Variants in SLC19A1 observed in about 807,000 individuals in gnomAD.
SLC19A1 encodes solute carrier family 19 member 1.
SLC19A1 carries 37 observed loss-of-function variants against 35.3 expected under a neutral mutation model. The observed-to-expected ratio is 1.05, with a 90% CI of 0.81 to 1.38. The LOEUF (loss-of-function observed/expected upper bound fraction) is 1.38, where lower values mean the gene tolerates loss of function less well. Among genes scored for constraint, SLC19A1 ranks in the 40% most tolerant of loss-of-function variants. The pLI, the probability that SLC19A1 is intolerant of heterozygous loss-of-function variation, is 0.00. For missense variants in SLC19A1, 831 were observed against 826.9 expected (o/e 1.00, Z -0.06); for synonymous variants, 460 against 398.5 (o/e 1.15, Z -1.84).
downstream of SLC19A1, among the ~76,000 whole-genome samples, chr21:45,511,479 G>A (rs1277323244): frequency 3.3e-5 from 5 of 152,244 alleles, no homozygotes; most frequent in South Asian, 4.1e-4. Context: ...TGCTCATGGC[G>A]GATAGACTCC....
chr21:45,541,346 TC>T (rs1380880297), intron 1 of SLC19A1, among the ~76,000 whole-genome samples: 3 of 152,260 alleles, frequency 2.0e-5, no homozygotes, highest in African/African-American at 7.2e-5. Flanking sequence ...CAGAGGCACC[TC>T]GGCTCTGCTG....
In SLC19A1 at chr21:45,531,450, G is replaced by A; in HGVS notation, c.888C>T (p.Asp296=). Reference sequence around the variant, plus strand: ...AGACCCGCGCACTGTTGGTGGTGGGGTCCACCTCGTTCCACAGGATGTGCA... The same window carrying A: ...AGACCCGCGCACTGTTGGTGGTGGGATCCACCTCGTTCCACAGGATGTGCA... ...YYVHILWNEV[D]PTTNSARVYN... is the part of the protein sequence containing the mutation. The change falls in exon 3 of 6, where the codon GAC becomes GAT. Residue 296 remains aspartate (D), a synonymous_variant. Coordinates refer to ENST00000311124, the MANE Select transcript of SLC19A1 (RefSeq NM_194255.4). The A allele has an allele frequency of 2.5e-6, 4 of 1,611,966 alleles. No homozygotes were observed. The highest frequency in any genetic ancestry group is 3.4e-6 in the Non-Finnish European group (4 of 1,179,300).
intron 1 of SLC19A1, among the ~76,000 whole-genome samples, chr21:45,553,522 T>C (rs2078488443): frequency 6.6e-6 from 1 of 151,756 alleles, no homozygotes; most frequent in South Asian, 2.1e-4. Flanking sequence ...TCAATGGCAT[T>C]AAGGACATTC....
In SLC19A1 at chr21:45,515,979, G is replaced by C. The variant is rs776134724; in HGVS notation, c.1455C>G (p.Ser485Arg). ...AAEEKAAQAL[S>R]VQDKGLGGLQ... ...GGCCTCCGAGGCCCTTGTCCTGCAC[G>C]CTCAGTGCCTGTGCTGCCTTCTCCT... The change falls in exon 6 of 6, where the codon AGC (serine) becomes AGG (arginine). Residue 485 changes from serine (S) to arginine (R), a missense_variant. Physicochemically the swap from Ser to Arg is moderately radical, Grantham distance 110. Transcript: ENST00000311124. 6.4e-7 allele frequency: 1 copy of C among 1,556,272 alleles called. No individual in the cohort carries two copies. Among genetic ancestry groups the C allele is most frequent in the South Asian group, 1.2e-5 (1 of 84,610 alleles).
Position 45,517,305 on chromosome 21 carries a change from C to T in SLC19A1, c.1294-1165G>A, listed in dbSNP as rs551083133. Among the ~76,000 whole-genome samples the T allele has an allele frequency of 3.9e-5, 6 of 152,268 alleles. No homozygotes were observed. The South Asian group carries it at 8.3e-4, about 21-fold the overall frequency. On this transcript the variant is annotated intron_variant, in intron 5 of 5. Coordinates refer to ENST00000311124, the MANE Select transcript of SLC19A1 (RefSeq NM_194255.4). This position sits in a 1 kb window ranked among gnomAD's most constrained non-coding sequence, Gnocchi z 4.4. ...TGAGGAAAGACCTTTCGACAGGAATCGCCCTGCTCCCCGCAAACACCAGAC... is the reference window on the plus strand; with the variant it reads ...TGAGGAAAGACCTTTCGACAGGAATTGCCCTGCTCCCCGCAAACACCAGAC...
Position 45,515,736 on chromosome 21 carries a change from C to T in SLC19A1, c.1698G>A (p.Leu566=). The change falls in exon 6 of 6, where the codon CTG becomes CTA. Residue 566 remains leucine, a synonymous_variant. Coordinates refer to ENST00000311124, the MANE Select transcript of SLC19A1 (RefSeq NM_194255.4). ...TGCTGACACCAGGAGGATGGACAGCCAGCTGGGGACAAGTCTCATCTGCAG... is the reference window on the plus strand; with the variant it reads ...TGCTGACACCAGGAGGATGGACAGCTAGCTGGGGACAAGTCTCATCTGCAG... ...PEAADETCPQ[L]AVHPPGVSKL... is the part of the protein sequence containing the mutation. 6.2e-7 allele frequency: 1 copy of T among 1,613,816 alleles called. No homozygotes were observed. Among genetic ancestry groups the T allele is most frequent in the Non-Finnish European group, 8.5e-7 (1 of 1,180,010 alleles).
downstream of SLC19A1, chr21:45,509,320 C>T: frequency 6.5e-7 from 1 of 1,535,256 alleles, no homozygotes. Flanking sequence ...CCCGGAGGGT[C>T]CCCCCGCCGA....
intron 2 of SLC19A1, among the ~76,000 whole-genome samples, chr21:45,535,610 G>A (rs2078084943): frequency 1.3e-5 from 2 of 152,196 alleles, no homozygotes; most frequent in Non-Finnish European, 2.9e-5. Context: ...AGGCTGCAGA[G>A]GAAGCAGCAT....
chr21:45,552,508 G>C (rs1323201313), intron 1 of SLC19A1, among the ~76,000 whole-genome samples: 1 of 152,140 alleles, frequency 6.6e-6, no homozygotes, highest in South Asian at 2.1e-4. Flanking sequence ...CGCAGCCCTC[G>C]AATGTGCAGA....
chr21:45,510,056 C>T (rs2037485497), downstream of SLC19A1: 3 of 1,552,226 alleles, frequency 1.9e-6, no homozygotes, highest in Non-Finnish European at 2.6e-6. Flanking sequence ...GCGCCCCTCT[C>T]CCCGCAGCTC....
chr21:45,543,211 G>C (rs914272993), upstream of SLC19A1, among the ~76,000 whole-genome samples: 3 of 152,236 alleles, frequency 2.0e-5, no homozygotes, highest in Non-Finnish European at 4.4e-5. Context: ...CCAGGAAGGC[G>C]TGGGGCTGCG....
chr21:45,515,109 T>C lies in SLC19A1; in HGVS notation c.*549A>G. The C allele has an allele frequency of 3.2e-6, 5 of 1,543,206 alleles. No homozygotes were observed. The highest frequency in any genetic ancestry group is 4.4e-6 in the Non-Finnish European group (5 of 1,144,808). On this transcript the variant is annotated 3_prime_UTR_variant, in exon 6 of 6. Coordinates refer to ENST00000311124, the MANE Select transcript of SLC19A1 (RefSeq NM_194255.4). ...CAATGTGTCTGCCGCCAACCTGAGA[T>C]GGCTTTTCCACAGAGACAGAGAAGC...
At position 45,517,409 on chromosome 21, in the gene SLC19A1, G is replaced by T. The variant is rs962759741; in HGVS notation, c.1294-1269C>A. 6.6e-6 allele frequency among the ~76,000 whole-genome samples: 1 copy of T among 151,898 alleles called. No individual in the cohort carries two copies. Among genetic ancestry groups the T allele is most frequent in the Non-Finnish European group, 1.5e-5 (1 of 67,974 alleles). On this transcript the variant is annotated intron_variant, in intron 5 of 5. Transcript: ENST00000311124. This position sits in a 1 kb window ranked among gnomAD's most constrained non-coding sequence, Gnocchi z 4.4. ...CAAGGACCCCCGAGTCCCCTGCGGG[G>T]TGGTGTCAGACAACACCAGTGGGCA...
Position 45,532,076 on chromosome 21 carries a change from C to T in SLC19A1, c.262G>A (p.Asp88Asn). The change falls in exon 3 of 6, where the codon GAC becomes AAC. Residue 88 changes from aspartate to asparagine, a missense_variant. Physicochemically the swap from Asp to Asn is conservative, Grantham distance 23. Transcript: ENST00000311124. ...AGCACCGGCGTGTAGCGCAGGTAGT[C>T]GGTGAGCAGGAACACGGGCACCAGC... Reference protein sequence around the residue: ...AVLVPVFLLTDYLRYTPVLLL... With the variant: ...AVLVPVFLLTNYLRYTPVLLL... 6.2e-7 allele frequency: 1 copy of T among 1,612,412 alleles called. No individual in the cohort carries two copies. The highest frequency in any genetic ancestry group is 8.5e-7 in the Non-Finnish European group (1 of 1,179,544).
At chr21:45,552,654 C>A (rs1467754865) in intron 1 of SLC19A1, among the ~76,000 whole-genome samples, 1 of 151,580 alleles carries the variant, frequency 6.6e-6, no homozygotes, top group Non-Finnish European at 1.5e-5. Context: ...CCAGCCCCAG[C>A]AGAGAGGGGC....
At chr21:45,557,869 C>G (rs1273078294) in intron 1 of SLC19A1, among the ~76,000 whole-genome samples, 1 of 152,230 alleles carries the variant, frequency 6.6e-6, no homozygotes, top group African/African-American at 2.4e-5. Flanking sequence ...GCCCTCGGCA[C>G]TCGGACTTGG....
rs1332426561 is a variant in SLC19A1 at position 45,532,091 on chromosome 21, C to T, written c.247G>A (p.Val83Met). The stretch of plus-strand genomic sequence containing the variant: ...CGCAGGTAGTCGGTGAGCAGGAACA[C>T]GGGCACCAGCACGGCCAGGTAGGAG... ...SYSYLAVLVPVFLLTDYLRYT... is the reference protein window; with the variant it reads ...SYSYLAVLVPMFLLTDYLRYT... Residue 83 changes from valine (V) to methionine (M), a missense_variant, in exon 3 of 6, where the codon GTG (valine) becomes ATG (methionine). Coordinates refer to ENST00000311124, the MANE Select transcript of SLC19A1 (RefSeq NM_194255.4). The T allele has an allele frequency of 6.2e-7, 1 of 1,611,962 alleles. No individual in the cohort carries two copies. Among genetic ancestry groups the T allele is most frequent in the East Asian group, 2.2e-5 (1 of 44,852 alleles).
In SLC19A1 at chr21:45,515,494, G is replaced by C. The variant is rs143995592; in HGVS notation, c.*164C>G. 1.3e-6 allele frequency: 2 copies of C among 1,505,686 alleles called. No individual in the cohort carries two copies. Among genetic ancestry groups the C allele is most frequent in the Non-Finnish European group, 1.8e-6 (2 of 1,140,412 alleles). The allele number at this position is 1,505,686 out of a possible 1,614,324, so 93.3% of individuals were successfully genotyped here. A position where few individuals can be genotyped will look rare whatever the true frequency, so the allele number is the denominator to read the frequency against. On this transcript the variant is annotated 3_prime_UTR_variant, in exon 6 of 6. Transcript: ENST00000311124. The stretch of plus-strand genomic sequence containing the variant: ...CAGCTGCCCTGAGTGTCGCCAGCAC[G>C]CTGTGGCCACCGCCAGAGTGCGGCA...
In SLC19A1 at chr21:45,540,472, A is replaced by C. The variant is rs1348386912; in HGVS notation, c.-50+1896T>G. Among the ~76,000 whole-genome samples the C allele has an allele frequency of 6.6e-6, 1 of 152,174 alleles. No individual in the cohort carries two copies. The highest frequency in any genetic ancestry group is 1.5e-5 in the Non-Finnish European group (1 of 68,028). ...TGCCACCTCCAGAAGCGACCAGAAC[A>C]TTCCTTCCTTGGAGAGACAGCCAGA... On this transcript the variant is annotated intron_variant, in intron 1 of 5. Coordinates refer to ENST00000311124, the MANE Select transcript of SLC19A1 (RefSeq NM_194255.4). The surrounding 1 kb of genome is among the most constrained non-coding windows in gnomAD (Gnocchi z 5.5).
Sources: gnomAD v4.1 joint callset for allele counts (sites outside exome capture counted in the v4.1 genomes callset) on GRCh38, gnomAD v4.1.1 for gene constraint, Gnocchi (gnomAD v3.1) non-coding constraint, MANE v1.5 for transcripts, NCBI Gene and HGNC (gene_info 2026-07-23, HGNC 2026-07-21) for gene names.